Variants in PDE4D observed in about 807,000 individuals in gnomAD.
PDE4D encodes 3',5'-cyclic-AMP phosphodiesterase 4D.
Under a neutral mutation model 87.4 loss-of-function variants are expected in PDE4D, and 24 were observed. That is an observed-to-expected ratio of 0.27 (90% CI 0.20 to 0.39). The LOEUF (loss-of-function observed/expected upper bound fraction) is 0.39, where lower values mean the gene tolerates loss of function less well. PDE4D is among the 10% of genes least tolerant of loss of function. The pLI, the probability that PDE4D is intolerant of heterozygous loss-of-function variation, is 1.00. For synonymous variants in PDE4D, 384 were observed against 383.2 expected, an observed-to-expected ratio of 1.00 and a Z score of -0.02; for missense variants, 714 against 1,041.0, an observed-to-expected ratio of 0.69 and a Z score of 4.32.
intron 1 of PDE4D, among the ~76,000 whole-genome samples, chr5:60,408,674 G>A (rs1370030078): frequency 2.0e-5 from 3 of 152,070 alleles, no homozygotes; most frequent in East Asian, 1.9e-4. Flanking sequence ...CAAAAAAAGT[G>A]TGAAAGAAAT....
chr5:60,148,895 A>G (rs1236560605), intron 2 of PDE4D, among the ~76,000 whole-genome samples: 1 of 152,212 alleles, frequency 6.6e-6, no homozygotes, highest in African/African-American at 2.4e-5. Context: ...GCTTATTTAT[A>G]TGTTGCCGTC....
At chr5:59,539,229 G>C (rs1173529488) in intron 1 of PDE4D, among the ~76,000 whole-genome samples, 1 of 152,106 alleles carries the variant, frequency 6.6e-6, no homozygotes, top group East Asian at 1.9e-4. Flanking sequence ...TTTGTTAAGT[G>C]AATTAATCTG....
intron 1 of PDE4D, among the ~76,000 whole-genome samples, chr5:60,497,464 G>A (rs1239801170): frequency 6.6e-6 from 1 of 151,894 alleles, no homozygotes; most frequent in Non-Finnish European, 1.5e-5. Context: ...GTGCAGTGGT[G>A]TGAACACGGT....
chr5:59,660,804 T>G (rs764847702), intron 1 of PDE4D, among the ~76,000 whole-genome samples: 11 of 152,168 alleles, frequency 7.2e-5, no homozygotes, highest in Non-Finnish European at 1.3e-4. Context: ...GGATAAAAGC[T>G]GCTGAAACAG....
At chr5:59,088,254 C>A (rs961329675) in intron 5 of PDE4D, among the ~76,000 whole-genome samples, 5 of 152,146 alleles carry the variant, frequency 3.3e-5, no homozygotes, top group Admixed American at 3.3e-4. Flanking sequence ...ATCCTTCTCT[C>A]TCTTTCTCTT....
At chr5:60,457,133 A>C (rs769107683) in intron 1 of PDE4D, among the ~76,000 whole-genome samples, 4 of 152,212 alleles carry the variant, frequency 2.6e-5, no homozygotes, top group Non-Finnish European at 5.9e-5. Context: ...ACATATAGAC[A>C]CAGTAGAAGG....
intron 1 of PDE4D, among the ~76,000 whole-genome samples, chr5:59,373,727 A>G (rs1250822003): frequency 6.6e-6 from 1 of 152,228 alleles, no homozygotes; most frequent in Non-Finnish European, 1.5e-5. Flanking sequence ...CAAGACACAC[A>G]ATCATTAGAT....
rs369070324 is a variant in PDE4D at position 60,293,530 on chromosome 5, C to A, written c.-89-107843G>T. 1.3e-3 allele frequency among the ~76,000 whole-genome samples: 202 copies of A among 151,646 alleles called. 1 individual carries two copies. The South Asian group carries it at 0.03, about 23-fold the overall frequency. ...CTCTGTCTCAAAACAAACAAACAAA[C>A]AAAAAAAAGATGTAACCCACATCCT... On this transcript the variant is annotated intron_variant, in intron 1 of 16. Transcript: ENST00000502484.
At chr5:59,817,750 C>A (rs57620889) in intron 1 of PDE4D, among the ~76,000 whole-genome samples, 12,313 of 150,360 alleles carry the variant, frequency 0.082, 1,022 homozygotes, top group African/African-American at 0.19. Flanking sequence ...ACACCCCCCC[C>A]CACACACACA....
chr5:59,507,134 C>T (rs1582905902), intron 1 of PDE4D, among the ~76,000 whole-genome samples: 1 of 152,130 alleles, frequency 6.6e-6, no homozygotes, highest in East Asian at 1.9e-4. Context: ...GAGTTCGTGA[C>T]CAGCCCGGCC....
chr5:59,144,902 G>GGA (rs1778398346), intron 5 of PDE4D, among the ~76,000 whole-genome samples: 4 of 136,142 alleles, frequency 2.9e-5, no homozygotes, highest in African/African-American at 1.0e-4. Context: ...GGGGGGGGGG[G>GGA]GGGAACCATC....
At chr5:59,176,128 A>C (rs1438461399) in intron 5 of PDE4D, among the ~76,000 whole-genome samples, 1 of 152,222 alleles carries the variant, frequency 6.6e-6, no homozygotes, top group Non-Finnish European at 1.5e-5. Flanking sequence ...TTATAAATGC[A>C]AACTTCAAAG....
At chr5:59,767,622 T>TTTG (rs1762965545) in intron 1 of PDE4D, among the ~76,000 whole-genome samples, 1 of 152,068 alleles carries the variant, frequency 6.6e-6, no homozygotes, top group East Asian at 1.9e-4. Context: ...GTTCTAACAA[T>TTTG]CCAAATTCAA....
chr5:60,502,040 C>A (rs1561319141), intron 1 of PDE4D, among the ~76,000 whole-genome samples: 2 of 152,002 alleles, frequency 1.3e-5, no homozygotes, highest in Non-Finnish European at 2.9e-5. Flanking sequence ...GCTTTGGTTG[C>A]CATTGCTTTT....
chr5:60,086,263 T>C (rs1774523696), intron 2 of PDE4D, among the ~76,000 whole-genome samples: 1 of 152,226 alleles, frequency 6.6e-6, no homozygotes, highest in Non-Finnish European at 1.5e-5. Flanking sequence ...GGAAGCTTTA[T>C]TTTTAAAATA....
chr5:59,647,453 T>C (rs986625365), intron 1 of PDE4D, among the ~76,000 whole-genome samples: 1 of 100,720 alleles, frequency 9.9e-6, no homozygotes, highest in Non-Finnish European at 2.0e-5. Context: ...TTAGGGATTT[T>C]TCAAAGTTTT....
chr5:59,653,065 C>T (rs1743769783), intron 1 of PDE4D, among the ~76,000 whole-genome samples: 1 of 151,942 alleles, frequency 6.6e-6, no homozygotes, highest in African/African-American at 2.4e-5. Context: ...AAAAAAGACA[C>T]TTTATAGAAA....
intron 1 of PDE4D, among the ~76,000 whole-genome samples, chr5:60,319,696 C>G (rs529619467): frequency 6.6e-6 from 1 of 152,330 alleles, no homozygotes; most frequent in African/African-American, 2.4e-5. Flanking sequence ...AGTTTTCCTT[C>G]TAACAGTTAG....
intron 1 of PDE4D, among the ~76,000 whole-genome samples, chr5:60,315,981 G>A (rs1755542949): frequency 6.6e-6 from 1 of 152,068 alleles, no homozygotes; most frequent in African/African-American, 2.4e-5. Context: ...CTCTTTTTTG[G>A]TTCCATATGA....
Sources: gnomAD v4.1 joint callset for allele counts (sites outside exome capture counted in the v4.1 genomes callset) on GRCh38, gnomAD v4.1.1 for gene constraint, MANE v1.5 for transcripts, NCBI Gene and HGNC (gene_info 2026-07-23, HGNC 2026-07-21) for gene names.